Variants in FBXL7 observed in about 807,000 individuals in gnomAD.
FBXL7 encodes the protein F-box/LRR-repeat protein 7.
FBXL7 carries 12 observed loss-of-function variants against 38.3 expected under a neutral mutation model. That is an observed-to-expected ratio of 0.31 (90% CI 0.20 to 0.51). The LOEUF (loss-of-function observed/expected upper bound fraction) is 0.51, where lower values mean the gene tolerates loss of function less well. Ranked by LOEUF, FBXL7 falls within the 20% of genes least tolerant of loss-of-function variation. The probability of loss-of-function intolerance (pLI) is 0.98; values close to 1 mark genes in which losing one functional copy is unlikely to be tolerated. For missense variants in FBXL7, 567 were observed against 676.4 expected (o/e 0.84, Z 1.79); for synonymous variants, 297 against 300.9 (o/e 0.99, Z 0.13).
chr5:15,931,915 G>A (rs549076240), intron 3 of FBXL7, among the ~76,000 whole-genome samples: 1 of 152,288 alleles, frequency 6.6e-6, no homozygotes, highest in East Asian at 1.9e-4. Flanking sequence ...CCCCCAGTGA[G>A]CTAAGGGTTT....
chr5:15,720,962 A>G (rs1439639923), intron 2 of FBXL7, among the ~76,000 whole-genome samples: 1 of 152,122 alleles, frequency 6.6e-6, no homozygotes, highest in East Asian at 1.9e-4. Flanking sequence ...TTCTTCTATT[A>G]GTTTATATTC....
At chr5:15,597,478 T>C (rs943730327) in intron 1 of FBXL7, among the ~76,000 whole-genome samples, 1 of 140,964 alleles carries the variant, frequency 7.1e-6, no homozygotes, top group South Asian at 2.3e-4. Flanking sequence ...AATATCTCTC[T>C]AGATAATATC....
intron 2 of FBXL7, among the ~76,000 whole-genome samples, chr5:15,759,228 A>G (rs1193866086): frequency 6.6e-6 from 1 of 152,200 alleles, no homozygotes; most frequent in Admixed American, 6.5e-5. Context: ...ATATAATTCT[A>G]TCAATGGCAA....
rs558967411 is a variant in FBXL7, at chr5:15,505,782, A to ATGC, written c.37+5072_37+5074dup. 1.5e-3 allele frequency among the ~76,000 whole-genome samples: 227 copies of ATGC among 152,326 alleles called. 1 individual carries two copies. The highest frequency in any genetic ancestry group is 5.4e-3 in the African/African-American group (225 of 41,580). On this transcript the variant is annotated intron_variant, in intron 1 of 3. Transcript: ENST00000504595. ...GCTGAGCTTTGAGGATCCAGGTAGCATGCTGGCTGCTACTTTTAATCACTG... is the reference window on the plus strand; with the variant it reads ...GCTGAGCTTTGAGGATCCAGGTAGCATGCTGCTGGCTGCTACTTTTAATCACTG...
At position 15,927,959 on chromosome 5, in the gene FBXL7, G is replaced by T; in HGVS notation, c.197G>T (p.Gly66Val). 6.3e-7 allele frequency: 1 copy of T among 1,575,392 alleles called. No homozygotes were observed. The highest frequency in any genetic ancestry group is 8.6e-7 in the Non-Finnish European group (1 of 1,158,968). ...PALICPPNLP[G>V]FQNGRGSSTS... ...CTGATATGTCCACCGAATCTCCCAGGATTTCAGAATGGAAGGGGCTCGTCC... is the reference window on the plus strand; with the variant it reads ...CTGATATGTCCACCGAATCTCCCAGTATTTCAGAATGGAAGGGGCTCGTCC... Residue 66 changes from glycine to valine, a missense_variant, in exon 3 of 4, where the codon GGA (glycine) becomes GTA (valine). Coordinates refer to ENST00000504595, the MANE Select transcript of FBXL7 (RefSeq NM_012304.5).
At chr5:15,902,449 A>T (rs1173585327) in intron 2 of FBXL7, among the ~76,000 whole-genome samples, 1 of 152,230 alleles carries the variant, frequency 6.6e-6, no homozygotes, top group Non-Finnish European at 1.5e-5. Context: ...ACAACTGAAT[A>T]ATATACAAAG....
At chr5:15,522,452 G>A (rs1397115116) in intron 1 of FBXL7, among the ~76,000 whole-genome samples, 1 of 152,118 alleles carries the variant, frequency 6.6e-6, no homozygotes, top group African/African-American at 2.4e-5. Flanking sequence ...AACATGGGAG[G>A]TTTCCTGGAA....
intron 2 of FBXL7, among the ~76,000 whole-genome samples, chr5:15,655,269 G>T (rs1741836678): frequency 6.6e-6 from 1 of 152,182 alleles, no homozygotes; most frequent in South Asian, 2.1e-4. Context: ...GCCGTGGCGG[G>T]TGAATCACTT....
intron 1 of FBXL7, among the ~76,000 whole-genome samples, chr5:15,510,829 G>A (rs1330634199): frequency 3.3e-5 from 5 of 152,176 alleles, no homozygotes; most frequent in Admixed American, 3.3e-4. Flanking sequence ...TGCTCCCAGA[G>A]CACCTTAAGT....
intron 3 of FBXL7, among the ~76,000 whole-genome samples, chr5:15,929,037 A>G (rs762639779): frequency 1.3e-5 from 2 of 152,174 alleles, no homozygotes. Context: ...TAGCTTAGAA[A>G]CTATCCTCGC....
At chr5:15,520,958 C>A (rs994226277) in intron 1 of FBXL7, among the ~76,000 whole-genome samples, 3 of 152,200 alleles carry the variant, frequency 2.0e-5, no homozygotes, top group Admixed American at 1.3e-4. Flanking sequence ...TACTCTTGTT[C>A]TGGGGACTAA....
chr5:15,773,288 T>C (rs534943123), intron 2 of FBXL7, among the ~76,000 whole-genome samples: 1 of 152,292 alleles, frequency 6.6e-6, no homozygotes, highest in South Asian at 2.1e-4. Context: ...TTACTTGCAT[T>C]ACACTTATTC....
intron 2 of FBXL7, among the ~76,000 whole-genome samples, chr5:15,658,689 A>G (rs901108971): frequency 6.6e-6 from 1 of 152,104 alleles, no homozygotes; most frequent in Non-Finnish European, 1.5e-5. Context: ...TGATCGATTG[A>G]GCAAGCAGGG....
At chr5:15,648,316 C>T (rs958920804) in intron 2 of FBXL7, among the ~76,000 whole-genome samples, 1 of 152,106 alleles carries the variant, frequency 6.6e-6, no homozygotes, top group Non-Finnish European at 1.5e-5. Context: ...AGTGACTACA[C>T]CTGCTTTGTC....
chr5:15,688,338 C>A (rs999675782), intron 2 of FBXL7, among the ~76,000 whole-genome samples: 37 of 152,094 alleles, frequency 2.4e-4, no homozygotes, highest in African/African-American at 8.9e-4. Context: ...TCCTAGTCAC[C>A]ATAGGTGGTA....
In FBXL7 at chr5:15,612,996, TTTTG is replaced by T. The variant is rs1208029142; in HGVS notation, c.38-2983_38-2980del. 7.4e-4 allele frequency among the ~76,000 whole-genome samples: 113 copies of T among 152,346 alleles called. 2 individuals carry two copies. Among genetic ancestry groups the T allele is most frequent in the African/African-American group, 2.3e-3 (96 of 41,574 alleles). ...TATTGTTTTTGCATTTAATTTGTTA[TTTTG>T]TTTTAGTTTTATTATTGAATCAGAG... On this transcript the variant is annotated intron_variant, in intron 1 of 3. Coordinates refer to ENST00000504595, the MANE Select transcript of FBXL7 (RefSeq NM_012304.5).
chr5:15,864,896 A>G (rs1301807265), intron 2 of FBXL7, among the ~76,000 whole-genome samples: 1 of 152,196 alleles, frequency 6.6e-6, no homozygotes, highest in Non-Finnish European at 1.5e-5. Context: ...GCCTCAACTT[A>G]AGATGGAGTC....
chr5:15,782,399 CCA>C (rs1389623009), intron 2 of FBXL7, among the ~76,000 whole-genome samples: 1 of 152,136 alleles, frequency 6.6e-6, no homozygotes, highest in Non-Finnish European at 1.5e-5. Flanking sequence ...TGAGGAATTG[CCA>C]CAGTGTCTTC....
intron 2 of FBXL7, among the ~76,000 whole-genome samples, chr5:15,790,787 G>A (rs1437704919): frequency 6.6e-6 from 1 of 152,198 alleles, no homozygotes. Flanking sequence ...AGGAAATGGG[G>A]ACACAGAAGG....
Sources: gnomAD v4.1 joint callset for allele counts (sites outside exome capture counted in the v4.1 genomes callset) on GRCh38, gnomAD v4.1.1 for gene constraint, MANE v1.5 for transcripts, NCBI Gene and HGNC (gene_info 2026-07-23, HGNC 2026-07-21) for gene names.